The following ZNF536 variants were observed in gnomAD, a reference collection of about 807,000 sequenced individuals.
The protein encoded by ZNF536 is zinc finger protein 536.
In ZNF536, 13 loss-of-function variants were observed where a neutral mutation model predicts 84.5. That is an observed-to-expected ratio of 0.15 (90% confidence interval 0.10 to 0.24). The LOEUF (loss-of-function observed/expected upper bound fraction) is 0.24. Ranked by LOEUF, ZNF536 falls within the 10% of genes least tolerant of loss-of-function variation. The pLI, the probability that ZNF536 is intolerant of heterozygous loss-of-function variation, is 1.00. For synonymous variants in ZNF536, 811 were observed against 742.5 expected, an observed-to-expected ratio of 1.09 and a Z score of -1.50; for missense variants, 1,536 against 1,747.5, an observed-to-expected ratio of 0.88 and a Z score of 2.16.
In ZNF536 at chr19:30,336,420, A is replaced by G. The variant is rs371246201; in HGVS notation, c.-119-15948A>G. Among the ~76,000 whole-genome samples the G allele has an allele frequency of 2.4e-3, 372 of 152,306 alleles. 2 individuals carry two copies. Among genetic ancestry groups the G allele is most frequent in the African/African-American group, 8.5e-3 (353 of 41,564 alleles). On this transcript the variant is annotated intron_variant, in intron 2 of 5. Transcript: ENST00000585628. ...AAATGCTGTTGGACAGGACAAGGGG[A>G]AGGACAGCGCAGGGCAGCACACCAT... is the stretch of plus-strand genomic sequence containing the variant.
At chr19:30,376,223 G>T (rs1022066986) in intron 1 of ZNF536, among the ~76,000 whole-genome samples, 2 of 152,098 alleles carry the variant, frequency 1.3e-5, no homozygotes, top group African/African-American at 4.8e-5. Context: ...CCATACCTTG[G>T]CATCCCCTCT....
rs140431554 is a variant in ZNF536, at chr19:30,673,606, A to C, written c.170-37151A>C. ...CAATAGTAAAAGAGTCAAGCCAACC[A>C]GCCACAGCCACCCTTTTCTCCTCCT... On this transcript the variant is annotated intron_variant, in intron 1 of 1. Transcript: ENST00000592773. 3.1e-3 allele frequency among the ~76,000 whole-genome samples: 473 copies of C among 152,304 alleles called. 3 individuals are homozygous for C. The highest frequency in any genetic ancestry group is 0.011 in the African/African-American group (446 of 41,584).
intron 1 of ZNF536, among the ~76,000 whole-genome samples, chr19:30,244,697 C>A (rs2024150512): frequency 6.6e-6 from 1 of 152,312 alleles, no homozygotes; most frequent in African/African-American, 2.4e-5. Context: ...GCTTTTAGCA[C>A]CCTCTGGATG....
chr19:30,541,361 T>C (rs2045324657), intron 3 of ZNF536, among the ~76,000 whole-genome samples: 1 of 151,812 alleles, frequency 6.6e-6, no homozygotes, highest in Non-Finnish European at 1.5e-5. Context: ...CATGCATTTT[T>C]GCCGTTAGTG....
chr19:30,395,289 G>A (rs2049768856), intron 1 of ZNF536, among the ~76,000 whole-genome samples: 1 of 152,208 alleles, frequency 6.6e-6, no homozygotes, highest in Non-Finnish European at 1.5e-5. Flanking sequence ...TAAAGGGGAT[G>A]TCCAATAACT....
intron 1 of ZNF536, among the ~76,000 whole-genome samples, chr19:30,594,264 C>G (rs1468178426): frequency 1.3e-5 from 2 of 152,232 alleles, no homozygotes; most frequent in African/African-American, 2.4e-5. Context: ...CATACACGGC[C>G]AGCAGCCAGG....
chr19:30,680,409 C>A (rs1174561700), intron 1 of ZNF536, among the ~76,000 whole-genome samples: 25 of 113,296 alleles, frequency 2.2e-4, no homozygotes, highest in African/African-American at 8.2e-4. Flanking sequence ...CCCCTCCCCC[C>A]ACCCCACAAC....
chr19:30,394,196 C>G (rs2049717678), intron 1 of ZNF536, among the ~76,000 whole-genome samples: 1 of 152,172 alleles, frequency 6.6e-6, no homozygotes. Context: ...TGGTCCAAGA[C>G]TTTTCCTTAA....
intron 2 of ZNF536, among the ~76,000 whole-genome samples, chr19:30,450,075 A>ATTT (rs34039352): frequency 0.053 from 6,972 of 131,750 alleles, 272 homozygotes; most frequent in Non-Finnish European, 0.071. Flanking sequence ...TAAGATCTTC[A>ATTT]TTTTTTTTTT....
At chr19:30,442,098 A>G (rs1037781888) in intron 1 of ZNF536, among the ~76,000 whole-genome samples, 40 of 152,240 alleles carry the variant, frequency 2.6e-4, no homozygotes, top group Admixed American at 2.6e-3. Flanking sequence ...GGGATGCAAG[A>G]GGAGAGGTGT....
At chr19:30,625,187 C>A (rs750698545) in intron 1 of ZNF536, among the ~76,000 whole-genome samples, 9 of 152,174 alleles carry the variant, frequency 5.9e-5, no homozygotes, top group Non-Finnish European at 1.0e-4. Context: ...GCATAGGTAA[C>A]CAAGCACAGC....
exon 2 of ZNF536, chr19:30,713,411 G>A (rs2052513107): frequency 6.6e-6 from 1 of 152,158 alleles, no homozygotes; most frequent in South Asian, 2.1e-4. Flanking sequence ...AGAGGATTTT[G>A]TTGCTATGCT....
chr19:30,504,345 C>G (rs1273069962), intron 2 of ZNF536, among the ~76,000 whole-genome samples: 1 of 145,508 alleles, frequency 6.9e-6, no homozygotes, highest in Non-Finnish European at 1.5e-5. Context: ...TTCCTTCCTT[C>G]CTTCCTACTT....
chr19:30,379,062 T>A (rs2048921072), intron 1 of ZNF536, among the ~76,000 whole-genome samples: 1 of 152,202 alleles, frequency 6.6e-6, no homozygotes, highest in Non-Finnish European at 1.5e-5. Flanking sequence ...ATAACACATG[T>A]GCCGTCACCT....
intron 2 of ZNF536, among the ~76,000 whole-genome samples, chr19:30,303,545 C>T (rs915542717): frequency 6.6e-6 from 1 of 151,822 alleles, no homozygotes; most frequent in African/African-American, 2.4e-5. Context: ...CTCTGTTGCC[C>T]AGGCTGGAGT....
At chr19:30,704,213 C>T (rs1600333251) in intron 1 of ZNF536, among the ~76,000 whole-genome samples, 1 of 152,336 alleles carries the variant, frequency 6.6e-6, no homozygotes, top group South Asian at 2.1e-4. Context: ...CTGCTTGACC[C>T]AAGTCTGTCT....
intron 1 of ZNF536, among the ~76,000 whole-genome samples, chr19:30,575,535 G>T (rs1429320393): frequency 6.6e-6 from 1 of 152,220 alleles, no homozygotes; most frequent in Non-Finnish European, 1.5e-5. Context: ...ATTTCCTGAT[G>T]GTTCCTGTGC....
intron 2 of ZNF536, among the ~76,000 whole-genome samples, chr19:30,291,091 A>G (rs373708379): frequency 2.6e-5 from 4 of 152,192 alleles, no homozygotes; most frequent in Admixed American, 2.6e-4. Flanking sequence ...TCTATCATTG[A>G]TGGGCATTTT....
chr19:30,383,735 C>CT (rs1209187118), intron 1 of ZNF536, among the ~76,000 whole-genome samples: 1 of 6,806 alleles, frequency 1.5e-4, no homozygotes, highest in African/African-American at 7.0e-4. Flanking sequence ...TTCTTTCTTT[C>CT]TTTCTTTCTC....
Sources: allele counts gnomAD v4.1 joint callset (sites outside exome capture counted in the v4.1 genomes callset), GRCh38; gene constraint gnomAD v4.1.1; transcripts MANE v1.5; gene names NCBI Gene and HGNC (gene_info 2026-07-23, HGNC 2026-07-21).